The following ORMDL1 variants were observed in gnomAD, a reference collection of about 807,000 sequenced individuals.
ORMDL1 encodes the protein ORMDL sphingolipid biosynthesis regulator 1, also known as ORM1-like protein 1.
ORMDL1 carries 10 observed loss-of-function variants against 13.0 expected under a neutral mutation model. The observed-to-expected ratio is 0.77, with a 90% CI of 0.47 to 1.30. The LOEUF (loss-of-function observed/expected upper bound fraction) is 1.30. Among genes scored for constraint, ORMDL1 ranks in the 50% most tolerant of loss-of-function variants. The pLI is 0.00. For missense variants in ORMDL1, 171 were observed against 186.7 expected (o/e 0.92, Z 0.49); for synonymous variants, 61 against 63.9 (o/e 0.95, Z 0.22).
intron 3 of ORMDL1, among the ~76,000 whole-genome samples, chr2:189,780,705 C>G (rs2047804525): frequency 6.6e-6 from 1 of 152,034 alleles, no homozygotes; most frequent in South Asian, 2.1e-4. Context: ...TGAAAGTGAT[C>G]CTATAGAAGC....
At chr2:189,778,710 C>T (rs1057452613) in intron 3 of ORMDL1, among the ~76,000 whole-genome samples, 1 of 152,102 alleles carries the variant, frequency 6.6e-6, no homozygotes, top group Admixed American at 6.5e-5. Flanking sequence ...GCCCGGCCAA[C>T]ATGTTGAAAC....
chr2:189,773,530 T>C (rs2047625623), intron 4 of ORMDL1, among the ~76,000 whole-genome samples: 1 of 152,126 alleles, frequency 6.6e-6, no homozygotes, highest in Non-Finnish European at 1.5e-5. Flanking sequence ...AAGACCAGCC[T>C]GGTCAACATG....
chr2:189,780,133 T>C (rs2047791111), intron 3 of ORMDL1, among the ~76,000 whole-genome samples: 1 of 152,238 alleles, frequency 6.6e-6, no homozygotes, highest in Non-Finnish European at 1.5e-5. Flanking sequence ...TTATGTTTCA[T>C]ATACATCATA....
downstream of ORMDL1, among the ~76,000 whole-genome samples, chr2:189,765,819 A>G (rs1574956675): frequency 6.9e-6 from 1 of 144,778 alleles, no homozygotes; most frequent in Non-Finnish European, 1.5e-5. Context: ...CTAAAAATAC[A>G]TTGCCATTTT....
chr2:189,783,168 T>C (rs2047923033), intron 1 of ORMDL1, 45 bp from the exon 2 acceptor site: 1 of 152,254 alleles, frequency 6.6e-6, no homozygotes, highest in African/African-American at 2.4e-5. Flanking sequence ...CAAGGGATAA[T>C]GTTTGTTTCT....
chr2:189,777,765 G>C (rs2047730621), intron 3 of ORMDL1, among the ~76,000 whole-genome samples: 1 of 152,116 alleles, frequency 6.6e-6, no homozygotes, highest in Non-Finnish European at 1.5e-5. Context: ...ATACCTCTAA[G>C]GGTGAGGTAG....
chr2:189,777,062 C>T (rs1414953869), intron 3 of ORMDL1, among the ~76,000 whole-genome samples: 1 of 152,164 alleles, frequency 6.6e-6, no homozygotes, highest in Non-Finnish European at 1.5e-5. Flanking sequence ...GCTCAAATAA[C>T]AATTCCTTAG....
chr2:189,779,016 CTCAA>C (rs1208586399), intron 3 of ORMDL1, among the ~76,000 whole-genome samples: 1 of 152,094 alleles, frequency 6.6e-6, no homozygotes, highest in Admixed American at 6.6e-5. Context: ...AGACCCCCAT[CTCAA>C]TCAGTCAATC....
chr2:189,773,738 T>TAAAAAAAAAAAAAAA (rs1207922381), intron 4 of ORMDL1: 1 of 31,428 alleles, frequency 3.2e-5, no homozygotes, highest in Non-Finnish European at 7.8e-5. Context: ...AAAAAAAAAT[T>TAAAAAAAAAAAAAAA]CTGGAATAAC....
At chr2:189,775,976 A>G (rs907738153) in intron 3 of ORMDL1, among the ~76,000 whole-genome samples, 1 of 152,182 alleles carries the variant, frequency 6.6e-6, no homozygotes, top group Non-Finnish European at 1.5e-5. Flanking sequence ...CGTTAAACTA[A>G]AAATAATTAT....
At chr2:189,781,271 T>TA (rs1470385085) in intron 3 of ORMDL1, among the ~76,000 whole-genome samples, 5 of 152,188 alleles carry the variant, frequency 3.3e-5, no homozygotes, top group African/African-American at 1.2e-4. Context: ...TTTCCTGTCT[T>TA]AATGCTTTAA....
chr2:189,764,680 A>AGTAG, the ORMDL1 span, among the ~76,000 whole-genome samples: 2 of 152,288 alleles, frequency 1.3e-5, no homozygotes, highest in East Asian at 3.9e-4. Flanking sequence ...CATTCTCAAA[A>AGTAG]AATATGGCCT....
intron 4 of ORMDL1, chr2:189,774,588 G>C (rs1354083474): frequency 6.6e-6 from 1 of 152,216 alleles, no homozygotes; most frequent in Non-Finnish European, 1.5e-5. Context: ...AGATGGTACA[G>C]AGTATTAAGA....
At chr2:189,775,461 T>C in intron 4 of ORMDL1, 104 bp downstream of exon 4, 5 of 1,266,666 alleles carry the variant, frequency 3.9e-6, no homozygotes, top group South Asian at 3.2e-5. Flanking sequence ...TACTTATTGA[T>C]AGAAGTTTGC....
In ORMDL1 at chr2:189,775,714, C is replaced by CT. The variant is rs2106146983; in HGVS notation, c.176_177insA (p.Met60AspfsTer17). ...TCACTGCATGCAAAAATACGTACAT[C>CT]CCCTGGAAAACAAGCAAGGGGTTAT... On this transcript the variant is annotated frameshift_variant and splice_region_variant, in exon 4 of 5. Transcript: ENST00000392349. LOFTEE classifies it high-confidence loss of function. 1 of 1,611,380 alleles carries CT rather than the reference C, an allele frequency of 6.2e-7. No homozygotes were observed. Among genetic ancestry groups the CT allele is most frequent in the East Asian group, 2.2e-5 (1 of 44,830 alleles).
chr2:189,769,248 A>G (rs1357161023), downstream of ORMDL1, among the ~76,000 whole-genome samples: 1 of 152,084 alleles, frequency 6.6e-6, no homozygotes, highest in Non-Finnish European at 1.5e-5. Flanking sequence ...TTAGCTGGGC[A>G]TGGTGGTGCA....
Position 189,778,095 on chromosome 2 carries a change from G to A in ORMDL1, c.175-2379C>T, listed in dbSNP as rs12618246. On this transcript the variant is annotated intron_variant, in intron 3 of 4. Coordinates refer to ENST00000392349, the MANE Select transcript of ORMDL1 (RefSeq NM_016467.5). ...GTCAACCAACTTGAAACACGGTTAG[G>A]GGGTGGTGGTGGTACAGGGATGGCA... is the stretch of plus-strand genomic sequence containing the variant. 2,365 of 440,320 alleles carry A rather than the reference G, an allele frequency of 5.4e-3. 88 individuals are homozygous for A. The East Asian group carries it at 0.11, about 21-fold the overall frequency. 27.3% of individuals were successfully genotyped at this position (440,320 alleles called of 1,614,324 possible). A position where few individuals can be genotyped will look rare whatever the true frequency, so the allele number is the denominator to read the frequency against.
chr2:189,764,477 G>A, the ORMDL1 span: 2 of 152,170 alleles, frequency 1.3e-5, no homozygotes, highest in Middle Eastern at 3.2e-3. Flanking sequence ...GGGCACATTA[G>A]TATGGAATTT....
chr2:189,771,647 G>T lies in ORMDL1; in HGVS notation c.*120C>A. ...AACAGCACTTGAAGGACCAGCCATT[G>T]GCCCTCCAATGTAAATACTTCTCAT... On this transcript the variant is annotated 3_prime_UTR_variant, in exon 5 of 5. Coordinates refer to ENST00000392349, the MANE Select transcript of ORMDL1 (RefSeq NM_016467.5). The T allele has an allele frequency of 2.3e-6, 2 of 860,976 alleles. No individual in the cohort carries two copies. The highest frequency in any genetic ancestry group is 2.9e-5 in the East Asian group (1 of 34,382). The allele number at this position is 860,976 out of a possible 1,614,324, so 53.3% of individuals were successfully genotyped here. A position where few individuals can be genotyped will look rare whatever the true frequency, so the allele number is the denominator to read the frequency against.
Sources: allele counts gnomAD v4.1 joint callset (sites outside exome capture counted in the v4.1 genomes callset), GRCh38; gene constraint gnomAD v4.1.1; transcripts MANE v1.5; gene names NCBI Gene and HGNC (gene_info 2026-07-23, HGNC 2026-07-21).